Variants in MMP21 observed in about 807,000 individuals in gnomAD.
MMP21 encodes the protein matrix metalloproteinase-21.
A neutral mutation model predicts 47.8 loss-of-function variants in MMP21; 40 were observed. That is an observed-to-expected ratio of 0.84 (90% CI 0.65 to 1.09). The LOEUF is 1.09. Ranked by LOEUF, MMP21 falls within the 50% of genes least tolerant of loss-of-function variation. The pLI is 0.00. For missense variants in MMP21, 747 were observed against 775.3 expected, an observed-to-expected ratio of 0.96 and a Z score of 0.43; for synonymous variants, 341 against 318.0, an observed-to-expected ratio of 1.07 and a Z score of -0.77.
rs574412483 is a variant in MMP21, at chr10:125,768,329, G to T, written c.1238-625C>A. 4.6e-5 allele frequency among the ~76,000 whole-genome samples: 7 copies of T among 152,312 alleles called. No individual in the cohort carries two copies. The South Asian group carries it at 1.5e-3, about 32-fold the overall frequency. On this transcript the variant is annotated intron_variant, in intron 5 of 6. Coordinates refer to ENST00000368808, the MANE Select transcript of MMP21 (RefSeq NM_147191.1). ...AGGCTGAGCCAGGAATGCAAGCCAG[G>T]ACTCTCAAATGCCACTCCAGAGAGG...
Position 125,775,743 on chromosome 10 carries a change from G to C in MMP21, c.79C>G (p.Leu27Val). The C allele has an allele frequency of 6.2e-7, 1 of 1,613,764 alleles. No individual in the cohort carries two copies. The highest frequency in any genetic ancestry group is 8.5e-7 in the Non-Finnish European group (1 of 1,179,862). The change falls in exon 1 of 7, where the codon CTC becomes GTC. Residue 27 changes from leucine (L) to valine (V), a missense_variant. Leu to Val is a conservative substitution (Grantham distance 32). Transcript: ENST00000368808. ...AAPWPTQPES[L>V]FHSRDRSDLE... ...TCCGAGCGGTCCCGGCTGTGGAAGA[G>C]ACTCTCGGGCTGGGTGGGCCAGGGA...
intron 6 of MMP21, 76 bp downstream of exon 6, chr10:125,767,456 A>G: frequency 1.4e-6 from 2 of 1,410,530 alleles, no homozygotes; most frequent in Non-Finnish European, 1.9e-6. Flanking sequence ...CAGCTTTTAA[A>G]TATGAACTTG....
At position 125,770,483 on chromosome 10, in the gene MMP21, C is replaced by A; in HGVS notation, c.1088G>T (p.Trp363Leu). 1.2e-6 allele frequency: 2 copies of A among 1,614,122 alleles called. No homozygotes were observed. The highest frequency in any genetic ancestry group is 1.7e-6 in the Non-Finnish European group (2 of 1,180,036). Residue 363 changes from tryptophan (W) to leucine (L), a missense_variant, in exon 5 of 7, where the codon TGG (tryptophan) becomes TTG (leucine). Trp to Leu is a moderately conservative substitution (Grantham distance 61, BLOSUM62 -2). Transcript: ENST00000368808. Reference protein sequence around the residue: ...RFSTYFFRNSWYWLYENRNNR... With the variant: ...RFSTYFFRNSLYWLYENRNNR... ...GTTTCGATTTTCATAAAGCCAGTAC[C>A]AGCTGTTACGGAAGAAATATGTGCT...
At position 125,766,736 on chromosome 10, in the gene MMP21, A is replaced by G; in HGVS notation, c.1636T>C (p.Leu546=). The change falls in exon 7 of 7, where the codon TTA becomes CTA. Residue 546 remains leucine (L), a synonymous_variant. Coordinates refer to ENST00000368808, the MANE Select transcript of MMP21 (RefSeq NM_147191.1). ...TCTGAAATAAACTTTTTTGGAAATA[A>G]GCCATTAGCAGGAAGCCAGGAATTC... The part of the protein sequence containing the change: ...QQNSWLPANG[L]FPKKFISEKW... 1 of 1,613,918 alleles carries G rather than the reference A, an allele frequency of 6.2e-7. No individual in the cohort carries two copies. The highest frequency in any genetic ancestry group is 1.1e-5 in the South Asian group (1 of 90,984).
chr10:125,773,873 C>A lies in MMP21; in HGVS notation c.655G>T (p.Ala219Ser), dbSNP rs1245059427. Residue 219 changes from alanine to serine, a missense_variant, in exon 2 of 7, where the codon GCC becomes TCC. Ala to Ser is a moderately conservative substitution (Grantham distance 99). Transcript: ENST00000368808. This position sits in a 1 kb window ranked among gnomAD's most constrained non-coding sequence, Gnocchi z 4.8. ...TTGATGTCGACCGCGGCCCCGGGGG[C>A]GGCCAGGTCCTCGCGGAAGTCCAGC... ...TPLDFREDLA[A>S]PGAAVDIKLG... 2 of 1,570,664 alleles carry A rather than the reference C, an allele frequency of 1.3e-6. No homozygotes were observed. Among genetic ancestry groups the A allele is most frequent in the Non-Finnish European group, 8.6e-7 (1 of 1,165,610 alleles).
rs948481222 is a variant in MMP21 at position 125,766,833 on chromosome 10, A to C, written c.1539T>G (p.Tyr513Ter). The change falls in exon 7 of 7, where the codon TAT (tyrosine) becomes TAG (stop). Residue 513 changes from tyrosine (Y) to a stop codon, truncating the protein, a stop_gained. Transcript: ENST00000368808. LOFTEE classifies it low-confidence loss of function (END_TRUNC). ...TGAAAAAGAAAATGGAGTTGTATGC[A>C]TAGGAGTAATAAGCGGAATCTATAT... The part of the protein sequence containing the change: ...FRNIDSAYYS[Y>*]AYNSIFFFKG... 1.1e-5 allele frequency: 17 copies of C among 1,613,976 alleles called. No homozygotes were observed. The highest frequency in any genetic ancestry group is 1.4e-5 in the Non-Finnish European group (17 of 1,179,960).
Position 125,772,268 on chromosome 10 carries a change from G to A in MMP21, c.929C>T (p.Pro310Leu), listed in dbSNP as rs762888912. 1.9e-6 allele frequency: 3 copies of A among 1,614,212 alleles called. No homozygotes were observed. Among genetic ancestry groups the A allele is most frequent in the South Asian group, 2.2e-5 (2 of 91,082 alleles). Residue 310 changes from proline (P) to leucine (L), a missense_variant, in exon 4 of 7, where the codon CCT becomes CTT. Coordinates refer to ENST00000368808, the MANE Select transcript of MMP21 (RefSeq NM_147191.1). This position sits in a 1 kb window ranked among gnomAD's most constrained non-coding sequence, Gnocchi z 5.6. Reference protein sequence around the residue: ...IMQPNYIPQEPAFELDWSDRK... With the variant: ...IMQPNYIPQELAFELDWSDRK... ...GTCTGACCAGTCCAACTCAAAGGCA[G>A]GCTCCTGGGGAATGTAATTTGGTTG...
Position 125,774,046 on chromosome 10 carries a change from C to A in MMP21, c.482G>T (p.Gly161Val), listed in dbSNP as rs1850485198. 5 of 1,468,122 alleles carry A rather than the reference C, an allele frequency of 3.4e-6. No individual in the cohort carries two copies. Among genetic ancestry groups the A allele is most frequent in the Non-Finnish European group, 4.5e-6 (5 of 1,113,472 alleles). 90.9% of individuals were successfully genotyped at this position (1,468,122 alleles called of 1,614,324 possible). ...SLSRRGWQPR[G>V]YPDGGAAQAF... ...CTGGGCAGCTCCGCCGTCGGGGTAG[C>A]CCCGGGGCTGCCAACCCCGCCGGGA... The change falls in exon 2 of 7, where the codon GGC becomes GTC. Residue 161 changes from glycine to valine, a missense_variant. Coordinates refer to ENST00000368808, the MANE Select transcript of MMP21 (RefSeq NM_147191.1).
chr10:125,775,765 G>GGGAGCAGCCAGCCAGC lies in MMP21; in HGVS notation c.41_56dup (p.Trp20LeufsTer243), dbSNP rs1564764158. 1.2e-6 allele frequency: 2 copies of GGGAGCAGCCAGCCAGC among 1,613,512 alleles called. No homozygotes were observed. Among genetic ancestry groups the GGGAGCAGCCAGCCAGC allele is most frequent in the Non-Finnish European group, 1.7e-6 (2 of 1,179,794 alleles). ...AGAGACTCTCGGGCTGGGTGGGCCA[G>GGGAGCAGCCAGCCAGC]GGAGCAGCCAGCCAGCAGAGCAGCA... On this transcript the variant is annotated frameshift_variant, in exon 1 of 7. Coordinates refer to ENST00000368808, the MANE Select transcript of MMP21 (RefSeq NM_147191.1). LOFTEE classifies it high-confidence loss of function.
At position 125,775,813 on chromosome 10, in the gene MMP21, G is replaced by A. The variant is rs149511576; in HGVS notation, c.9C>T (p.Ala3=). ML[A]ASIFRPTLLL... Reference sequence around the variant, plus strand: ...GCAGTGTCGGACGGAAGATGGAGGCGGCGAGCATTGGCCTGGTCTGAACCC... The same window carrying A: ...GCAGTGTCGGACGGAAGATGGAGGCAGCGAGCATTGGCCTGGTCTGAACCC... The change falls in exon 1 of 7, where the codon GCC becomes GCT. Residue 3 remains alanine, a synonymous_variant. Coordinates refer to ENST00000368808, the MANE Select transcript of MMP21 (RefSeq NM_147191.1). 10 of 1,606,852 alleles carry A rather than the reference G, an allele frequency of 6.2e-6. No individual in the cohort carries two copies. Among genetic ancestry groups the A allele is most frequent in the Middle Eastern group, 1.7e-4 (1 of 6,018 alleles).
chr10:125,774,705 G>C (rs1259855298), intron 1 of MMP21, among the ~76,000 whole-genome samples: 2 of 152,200 alleles, frequency 1.3e-5, no homozygotes, highest in Non-Finnish European at 2.9e-5. Context: ...CCTGGGCAGC[G>C]GGGTGGGCGA....
In MMP21 at chr10:125,772,816, TA is replaced by T; in HGVS notation, c.698-67del. Reference sequence around the variant, plus strand: ...GTGCCCCCCATACAGACTCCTCACCTAGGGGGTCCCCAGCCTCCAGGAGCCG... The same window carrying T: ...GTGCCCCCCATACAGACTCCTCACCTGGGGGTCCCCAGCCTCCAGGAGCCG... On this transcript the variant is annotated intron_variant, in intron 2 of 6. Transcript: ENST00000368808. The surrounding 1 kb of genome is among the most constrained non-coding windows in gnomAD (Gnocchi z 5.6). 1 of 1,570,408 alleles carries T rather than the reference TA, an allele frequency of 6.4e-7. No homozygotes were observed. Among genetic ancestry groups the T allele is most frequent in the Non-Finnish European group, 8.7e-7 (1 of 1,155,460 alleles).
In MMP21 at chr10:125,766,654, T is replaced by G. The variant is rs1486932501; in HGVS notation, c.*8A>C. 1 of 1,576,474 alleles carries G rather than the reference T, an allele frequency of 6.3e-7. No homozygotes were observed. The highest frequency in any genetic ancestry group is 2.2e-5 in the East Asian group (1 of 44,632). On this transcript the variant is annotated 3_prime_UTR_variant, in exon 7 of 7. Coordinates refer to ENST00000368808, the MANE Select transcript of MMP21 (RefSeq NM_147191.1). ...GTCCTATGACCCTCCATTTCCTACTTTTTCTTATTACATGTTCAGTGTGGA... is the reference window on the plus strand; with the variant it reads ...GTCCTATGACCCTCCATTTCCTACTGTTTCTTATTACATGTTCAGTGTGGA...
At position 125,774,323 on chromosome 10, in the gene MMP21, A is replaced by T; in HGVS notation, c.205T>A (p.Trp69Arg). ...RYGWSGVWAA[W>R]GPSPEGPPET... ...GGCGGCCCCTCGGGACTGGGCCCCCAGGCCGCCCACACCCCTGACCAGCCG... is the reference window on the plus strand; with the variant it reads ...GGCGGCCCCTCGGGACTGGGCCCCCTGGCCGCCCACACCCCTGACCAGCCG... Residue 69 changes from tryptophan (W) to arginine (R), a missense_variant, in exon 2 of 7, where the codon TGG becomes AGG. Trp to Arg is a moderately radical substitution (Grantham distance 101). Coordinates refer to ENST00000368808, the MANE Select transcript of MMP21 (RefSeq NM_147191.1). 1.4e-6 allele frequency: 2 copies of T among 1,411,492 alleles called. No homozygotes were observed. Among genetic ancestry groups the T allele is most frequent in the Admixed American group, 3.3e-5 (1 of 30,574 alleles). The allele number at this position is 1,411,492 out of a possible 1,614,324, so 87.4% of individuals were successfully genotyped here.
In MMP21 at chr10:125,773,310, C is replaced by T. The variant is rs1850475054; in HGVS notation, c.697+521G>A. On this transcript the variant is annotated intron_variant, in intron 2 of 6. Coordinates refer to ENST00000368808, the MANE Select transcript of MMP21 (RefSeq NM_147191.1). The surrounding 1 kb of genome is among the most constrained non-coding windows in gnomAD (Gnocchi z 4.8). ...GTGCCTTTTTGTGGGTATCCCAGATCCCACCCATCCTTGAGTCTAGGCCAA... is the reference window on the plus strand; with the variant it reads ...GTGCCTTTTTGTGGGTATCCCAGATTCCACCCATCCTTGAGTCTAGGCCAA... Among the ~76,000 whole-genome samples the T allele has an allele frequency of 6.6e-6, 1 of 152,056 alleles. No homozygotes were observed. Among genetic ancestry groups the T allele is most frequent in the Non-Finnish European group, 1.5e-5 (1 of 68,010 alleles).
chr10:125,771,538 G>A (rs1490491884), intron 4 of MMP21, among the ~76,000 whole-genome samples: 1 of 152,038 alleles, frequency 6.6e-6, no homozygotes, highest in African/African-American at 2.4e-5. Context: ...CAAGTAGCTG[G>A]GATTACAGGC....
At chr10:125,767,495 A>T in intron 6 of MMP21, 37 bp downstream of exon 6, 1 of 1,584,542 alleles carries the variant, frequency 6.3e-7, no homozygotes, top group Non-Finnish European at 8.6e-7. Context: ...ATTAGGGATG[A>T]CAGAAGCATT....
In MMP21 at chr10:125,774,766, C is replaced by T. The variant is rs1418319578; in HGVS notation, c.163-401G>A. Among the ~76,000 whole-genome samples, 2 of 152,144 alleles carry T rather than the reference C, an allele frequency of 1.3e-5. 1 individual carries two copies. Among genetic ancestry groups the T allele is most frequent in the South Asian group, 4.1e-4 (2 of 4,836 alleles). ...GGGGGAGGAAGACGCTCCCCCCGGC[C>T]TTGCGGGGCAGGTCGCGCAGGGCAG... On this transcript the variant is annotated intron_variant, in intron 1 of 6. Transcript: ENST00000368808.
chr10:125,772,800 ATACAGAC>A lies in MMP21; in HGVS notation c.698-57_698-51del, dbSNP rs1222544032. Reference sequence around the variant, plus strand: ...TCCCGGTGAAGGATGAGTGCCCCCCATACAGACTCCTCACCTAGGGGGTCCCCAGCCT... The same window carrying A: ...TCCCGGTGAAGGATGAGTGCCCCCCATCCTCACCTAGGGGGTCCCCAGCCT... On this transcript the variant is annotated intron_variant, in intron 2 of 6. Transcript: ENST00000368808. The surrounding 1 kb of genome is among the most constrained non-coding windows in gnomAD (Gnocchi z 5.6). The A allele has an allele frequency of 6.3e-7, 1 of 1,594,742 alleles. No individual in the cohort carries two copies. The highest frequency in any genetic ancestry group is 1.3e-5 in the African/African-American group (1 of 74,624).
Sources: gnomAD v4.1 joint callset for allele counts (sites outside exome capture counted in the v4.1 genomes callset) on GRCh38, gnomAD v4.1.1 for gene constraint, Gnocchi (gnomAD v3.1) non-coding constraint, MANE v1.5 for transcripts, NCBI Gene and HGNC (gene_info 2026-07-23, HGNC 2026-07-21) for gene names.